Variants in TMEM132D observed in about 807,000 individuals in gnomAD.
The protein encoded by TMEM132D is mature OL transmembrane protein.
In TMEM132D, 21 loss-of-function variants were observed where a neutral mutation model predicts 62.3. The observed-to-expected ratio is 0.34, with a 90% CI of 0.24 to 0.49. The LOEUF (loss-of-function observed/expected upper bound fraction) is 0.49. Among genes scored for constraint, TMEM132D ranks in the 20% least tolerant of loss-of-function variants. The probability of loss-of-function intolerance (pLI) is 0.99; values close to 1 mark genes in which losing one functional copy is unlikely to be tolerated. For missense variants in TMEM132D, 1,346 were observed against 1,402.8 expected (o/e 0.96, Z 0.65); for synonymous variants, 621 against 575.6 (o/e 1.08, Z -1.13).
At chr12:129,526,847 A>T (rs1876059930) in intron 3 of TMEM132D, among the ~76,000 whole-genome samples, 1 of 152,214 alleles carries the variant, frequency 6.6e-6, no homozygotes, top group Admixed American at 6.5e-5. Flanking sequence ...GTCTTGATCT[A>T]TGAGGATGTA....
intron 3 of TMEM132D, among the ~76,000 whole-genome samples, chr12:129,459,814 A>T (rs1446597720): frequency 1.3e-5 from 2 of 152,186 alleles, no homozygotes; most frequent in Non-Finnish European, 2.9e-5. Context: ...TATAGTGAAC[A>T]GGCAAACACT....
intron 2 of TMEM132D, among the ~76,000 whole-genome samples, chr12:129,534,170 G>A (rs1436499602): frequency 6.6e-6 from 1 of 152,098 alleles, no homozygotes; most frequent in Non-Finnish European, 1.5e-5. Context: ...TAACCTACTT[G>A]TGGTTCAATA....
At position 129,209,900 on chromosome 12, in the gene TMEM132D, G is replaced by C. The variant is rs148715453; in HGVS notation, c.1300-237C>G. 1.1e-3 allele frequency: 564 copies of C among 533,086 alleles called. 3 individuals are homozygous for C. Among genetic ancestry groups the C allele is most frequent in the African/African-American group, 9.3e-3 (492 of 52,920 alleles). 33.0% of individuals were successfully genotyped at this position (533,086 alleles called of 1,614,324 possible). On this transcript the variant is annotated intron_variant, in intron 4 of 8. Transcript: ENST00000422113. ...TGGGGAAGGGGTGGAGGACAGAAAA[G>C]GTGGCGGAGGAAATTTATTACTAAT...
chr12:129,738,620 A>G (rs938070855), intron 1 of TMEM132D, among the ~76,000 whole-genome samples: 5 of 152,204 alleles, frequency 3.3e-5, no homozygotes, highest in Admixed American at 1.3e-4. Flanking sequence ...TTGGAAATCT[A>G]TAGATCTCTT....
Position 129,887,028 on chromosome 12 carries a change from C to T in TMEM132D, c.79+16233G>A, listed in dbSNP as rs866740287. Reference sequence around the variant, plus strand: ...CTTTCCTTTATAAATTACCCAGTCTCGGGTACGTCCTCATAGCAGTGTGAG... The same window carrying T: ...CTTTCCTTTATAAATTACCCAGTCTTGGGTACGTCCTCATAGCAGTGTGAG... On this transcript the variant is annotated intron_variant, in intron 1 of 8. Coordinates refer to ENST00000422113, the MANE Select transcript of TMEM132D (RefSeq NM_133448.3). Among the ~76,000 whole-genome samples, 4 of 152,186 alleles carry T rather than the reference C, an allele frequency of 2.6e-5. No individual in the cohort carries two copies. The East Asian group carries it at 5.8e-4, about 22-fold the overall frequency.
chr12:129,076,173 A>C (rs960188756), intron 8 of TMEM132D, among the ~76,000 whole-genome samples: 21 of 152,212 alleles, frequency 1.4e-4, no homozygotes, highest in African/African-American at 3.9e-4. Flanking sequence ...GGCACATATA[A>C]AATTGGGGAA....
intron 3 of TMEM132D, among the ~76,000 whole-genome samples, chr12:129,504,041 C>T (rs939516289): frequency 4.6e-5 from 7 of 151,296 alleles, no homozygotes; most frequent in African/African-American, 1.7e-4. Flanking sequence ...ATCATCATTA[C>T]TGTCATCATC....
intron 2 of TMEM132D, among the ~76,000 whole-genome samples, chr12:129,539,009 TCC>T (rs1566103278): frequency 4.0e-4 from 60 of 151,416 alleles, no homozygotes; most frequent in South Asian, 4.2e-4. Flanking sequence ...AGAAGGAGCG[TCC>T]TCTGCTGCAA....
intron 2 of TMEM132D, among the ~76,000 whole-genome samples, chr12:129,657,657 C>T (rs767238588): frequency 1.3e-5 from 2 of 152,176 alleles, no homozygotes; most frequent in Non-Finnish European, 2.9e-5. Context: ...CACAATGGGC[C>T]ATTTGCCTTT....
chr12:129,146,579 G>A (rs1039105677), intron 5 of TMEM132D, among the ~76,000 whole-genome samples: 9 of 152,084 alleles, frequency 5.9e-5, no homozygotes, highest in East Asian at 1.9e-4. Context: ...GAGGTGCTTC[G>A]TAATCTGGTC....
intron 2 of TMEM132D, among the ~76,000 whole-genome samples, chr12:129,652,610 G>C (rs1379620755): frequency 6.6e-6 from 1 of 152,236 alleles, no homozygotes; most frequent in East Asian, 1.9e-4. Flanking sequence ...GGGGCCACAA[G>C]CCAGGGAATG....
intron 4 of TMEM132D, chr12:129,212,779 T>C (rs1275666355): frequency 1.3e-5 from 2 of 152,222 alleles, no homozygotes; most frequent in African/African-American, 2.4e-5. Flanking sequence ...TACAGAACTT[T>C]AGGCACTCCA....
At chr12:129,120,005 G>T (rs752954128) in intron 5 of TMEM132D, among the ~76,000 whole-genome samples, 26 of 151,946 alleles carry the variant, frequency 1.7e-4, no homozygotes, top group Admixed American at 5.2e-4. Flanking sequence ...GTAGGAAGAG[G>T]AAAAATAAAG....
intron 3 of TMEM132D, among the ~76,000 whole-genome samples, chr12:129,383,434 T>A (rs2176951): frequency 0.45 from 67,794 of 151,932 alleles, 15,276 homozygotes; most frequent in Middle Eastern, 0.5. Context: ...TTACATTTCA[T>A]GTCAATCCTC....
intron 1 of TMEM132D, among the ~76,000 whole-genome samples, chr12:129,725,794 T>G (rs931188007): frequency 6.6e-6 from 1 of 152,214 alleles, no homozygotes; most frequent in African/African-American, 2.4e-5. Context: ...AGAGACTGCT[T>G]TCCTTGGAAA....
intron 2 of TMEM132D, among the ~76,000 whole-genome samples, chr12:129,656,879 T>A (rs190393302): frequency 1.3e-5 from 2 of 152,276 alleles, no homozygotes; most frequent in East Asian, 3.9e-4. Context: ...AGACTCAAAC[T>A]CAGACACCCT....
At chr12:129,470,316 G>T (rs1230374373) in intron 3 of TMEM132D, among the ~76,000 whole-genome samples, 1 of 152,196 alleles carries the variant, frequency 6.6e-6, no homozygotes, top group Non-Finnish European at 1.5e-5. Context: ...CAGCTTCTAA[G>T]ATTTTGTTTT....
At chr12:129,279,943 A>G (rs1566020454) in intron 4 of TMEM132D, among the ~76,000 whole-genome samples, 1 of 152,214 alleles carries the variant, frequency 6.6e-6, no homozygotes, top group Non-Finnish European at 1.5e-5. Context: ...AACTAGGCTA[A>G]TAAAAGTGAC....
chr12:129,318,951 G>A (rs980323789), intron 4 of TMEM132D, among the ~76,000 whole-genome samples: 1 of 152,154 alleles, frequency 6.6e-6, no homozygotes, highest in Non-Finnish European at 1.5e-5. Context: ...ACCAACTGAA[G>A]GGCTGGTTTC....
Sources: gnomAD v4.1 joint callset for allele counts (sites outside exome capture counted in the v4.1 genomes callset) on GRCh38, gnomAD v4.1.1 for gene constraint, MANE v1.5 for transcripts, NCBI Gene and HGNC (gene_info 2026-07-23, HGNC 2026-07-21) for gene names.